MACROD2: variants seen among roughly 807,000 people sequenced by gnomAD.
MACROD2 encodes ADP-ribose glycohydrolase MACROD2.
In MACROD2, 36 loss-of-function variants were observed where a neutral mutation model predicts 70.4. That is an observed-to-expected ratio of 0.51 (90% CI 0.39 to 0.68). The LOEUF (loss-of-function observed/expected upper bound fraction) is 0.68, where lower values mean the gene tolerates loss of function less well. Among genes scored for constraint, MACROD2 ranks in the 30% least tolerant of loss-of-function variants. The pLI is 0.00. For synonymous variants in MACROD2, 172 were observed against 178.8 expected, an observed-to-expected ratio of 0.96 and a Z score of 0.30; for missense variants, 496 against 538.4, an observed-to-expected ratio of 0.92 and a Z score of 0.78.
intron 2 of MACROD2, 78 bp downstream of exon 2, chr20:14,002,482 G>A (rs1490036064): frequency 6.3e-6 from 5 of 791,214 alleles, no homozygotes; most frequent in Admixed American, 4.9e-5. Flanking sequence ...AATAACTGGC[G>A]TTCAATAAAG....
chr20:15,015,648 A>G (rs1232672424), intron 5 of MACROD2, among the ~76,000 whole-genome samples: 1 of 152,206 alleles, frequency 6.6e-6, no homozygotes, highest in Non-Finnish European at 1.5e-5. Context: ...GGTTAAGATT[A>G]AAAAAGAGGA....
intron 5 of MACROD2, among the ~76,000 whole-genome samples, chr20:14,700,903 A>C (rs2071189213): frequency 6.6e-6 from 1 of 152,080 alleles, no homozygotes; most frequent in South Asian, 2.1e-4. Context: ...TGATGGCCTG[A>C]AGTCCACTGT....
chr20:15,262,903 T>C (rs1190256591), intron 6 of MACROD2, among the ~76,000 whole-genome samples: 1 of 152,106 alleles, frequency 6.6e-6, no homozygotes, highest in Non-Finnish European at 1.5e-5. Context: ...TTTTTCTCTA[T>C]AGTGTTGTTT....
intron 5 of MACROD2, among the ~76,000 whole-genome samples, chr20:14,794,982 G>A (rs2072494135): frequency 6.6e-6 from 1 of 152,056 alleles, no homozygotes; most frequent in Admixed American, 6.6e-5. Flanking sequence ...AAGGAAGGAG[G>A]AGGAGGTACC....
chr20:15,263,906 G>C (rs1396482866), intron 6 of MACROD2, among the ~76,000 whole-genome samples: 2 of 151,956 alleles, frequency 1.3e-5, no homozygotes, highest in African/African-American at 2.4e-5. Context: ...TACTGAATTT[G>C]TTTATCAGTT....
chr20:15,803,911 A>AC (rs1207836072), intron 8 of MACROD2, among the ~76,000 whole-genome samples: 1 of 152,224 alleles, frequency 6.6e-6, no homozygotes, highest in African/African-American at 2.4e-5. Context: ...GTTATTCTAA[A>AC]ATGCTTCCCA....
At chr20:15,098,457 G>T (rs1228710829) in intron 5 of MACROD2, among the ~76,000 whole-genome samples, 1 of 152,142 alleles carries the variant, frequency 6.6e-6, no homozygotes, top group African/African-American at 2.4e-5. Context: ...CCTCTGGGAT[G>T]CTAAGTTCTC....
At chr20:14,070,286 T>G (rs1233731769) in intron 2 of MACROD2, among the ~76,000 whole-genome samples, 1 of 150,798 alleles carries the variant, frequency 6.6e-6, no homozygotes, top group Non-Finnish European at 1.5e-5. Context: ...GAACTATATA[T>G]TTGAGAATAA....
chr20:15,357,623 A>G (rs2078302784), intron 6 of MACROD2, among the ~76,000 whole-genome samples: 1 of 152,162 alleles, frequency 6.6e-6, no homozygotes, highest in African/African-American at 2.4e-5. Flanking sequence ...TATAAGGTAC[A>G]CTATCTTTGT....
intron 5 of MACROD2, among the ~76,000 whole-genome samples, chr20:15,158,805 C>A (rs917778508): frequency 3.9e-5 from 6 of 152,072 alleles, no homozygotes; most frequent in African/African-American, 1.4e-4. Flanking sequence ...GAGTAGACTG[C>A]AAAATAGACA....
chr20:15,111,525 A>C (rs914322010), intron 5 of MACROD2, among the ~76,000 whole-genome samples: 1 of 152,198 alleles, frequency 6.6e-6, no homozygotes, highest in Non-Finnish European at 1.5e-5. Context: ...CTTATTTAAA[A>C]GTTCTATGGT....
intron 15 of MACROD2, among the ~76,000 whole-genome samples, chr20:16,021,805 C>T (rs1323631667): frequency 6.6e-6 from 1 of 152,178 alleles, no homozygotes; most frequent in East Asian, 1.9e-4. Context: ...AATTTATGTT[C>T]TCCACTCTGA....
At chr20:14,776,233 C>T (rs553246768) in intron 5 of MACROD2, among the ~76,000 whole-genome samples, 15 of 152,052 alleles carry the variant, frequency 9.9e-5, no homozygotes, top group Admixed American at 2.6e-4. Flanking sequence ...TTTGGGGTTT[C>T]GTAGTCCAAA....
intron 4 of MACROD2, among the ~76,000 whole-genome samples, chr20:14,513,567 G>A (rs991729309): frequency 6.6e-6 from 1 of 151,972 alleles, no homozygotes; most frequent in Admixed American, 6.6e-5. Flanking sequence ...CAAATTATAG[G>A]TGGGGGCTCA....
chr20:14,401,008 A>G (rs1025706406), intron 3 of MACROD2, among the ~76,000 whole-genome samples: 23 of 152,222 alleles, frequency 1.5e-4, no homozygotes, highest in South Asian at 8.3e-4. Context: ...ACATCGGTCT[A>G]TACAGACTTC....
intron 8 of MACROD2, among the ~76,000 whole-genome samples, chr20:15,754,990 T>C (rs1035168381): frequency 1.3e-5 from 2 of 151,934 alleles, no homozygotes; most frequent in Non-Finnish European, 2.9e-5. Context: ...TCCTGGGTAG[T>C]TGGGATTACA....
intron 8 of MACROD2, among the ~76,000 whole-genome samples, chr20:15,710,383 T>C (rs1190044441): frequency 6.6e-6 from 1 of 152,172 alleles, no homozygotes. Flanking sequence ...AATTAAAATA[T>C]AAACATACTC....
intron 4 of MACROD2, among the ~76,000 whole-genome samples, chr20:14,519,840 A>T (rs1034670013): frequency 2.0e-5 from 3 of 152,210 alleles, no homozygotes; most frequent in African/African-American, 7.2e-5. Context: ...GATAGACTGG[A>T]TAAAGAAAAC....
chr20:15,832,788 G>A (rs1358552637), intron 8 of MACROD2, among the ~76,000 whole-genome samples: 1 of 152,172 alleles, frequency 6.6e-6, no homozygotes, highest in African/African-American at 2.4e-5. Context: ...CCTGGAACCC[G>A]CATGTTCAAC....
Sources: allele counts gnomAD v4.1 joint callset (sites outside exome capture counted in the v4.1 genomes callset), GRCh38; gene constraint gnomAD v4.1.1; transcripts MANE v1.5; gene names NCBI Gene and HGNC (gene_info 2026-07-23, HGNC 2026-07-21).